Variants in HUWE1 observed in about 807,000 individuals in gnomAD.
HUWE1 encodes HECT, UBA and WWE domain containing E3 ubiquitin protein ligase 1, also known as E3 ubiquitin-protein ligase HUWE1.
In HUWE1, 18 loss-of-function variants were observed where a neutral mutation model predicts 299.4. That is an observed-to-expected ratio of 0.06 (90% CI 0.04 to 0.09). HUWE1 has a LOEUF of 0.09. Among genes scored for constraint, HUWE1 ranks in the 10% least tolerant of loss-of-function variants. HUWE1 has a pLI of 1.00. For synonymous variants in HUWE1, 1,317 were observed against 1,286.1 expected (o/e 1.02, Z -0.51); for missense variants, 1,832 against 3,462.3 (o/e 0.53, Z 11.82).
At chrX:53,559,627 A>T in intron 56 of HUWE1, 95 bp from the exon 57 acceptor site, 1 of 726,505 alleles carries the variant, frequency 1.4e-6, no homozygotes, top group South Asian at 2.3e-5. Context: ...CCTCTATTAA[A>T]TGCAGAACAT....
intron 2 of HUWE1, among the ~76,000 whole-genome samples, chrX:53,683,720 C>T (rs1182023265): frequency 8.9e-6 from 1 of 112,477 alleles, no homozygotes; most frequent in Non-Finnish European, 1.9e-5. Flanking sequence ...ATCGTCACCT[C>T]CTTAACGCTG....
chrX:53,668,926 T>C (rs1191409047), intron 3 of HUWE1, among the ~76,000 whole-genome samples: 4 of 111,987 alleles, frequency 3.6e-5, no homozygotes, highest in African/African-American at 6.5e-5. Flanking sequence ...GACAATGAGA[T>C]TGGGAGGCTC....
chrX:53,565,024 C>A (rs782593629), intron 50 of HUWE1, 43 bp downstream of exon 50: 15 of 1,165,764 alleles, frequency 1.3e-5, no homozygotes, highest in Non-Finnish European at 1.8e-5. Flanking sequence ...GCCCATAAAG[C>A]AACTACTCCC....
chrX:53,545,331 C>T (rs782108141), intron 70 of HUWE1, among the ~76,000 whole-genome samples, 170 bp from the exon 71 acceptor site: 1 of 111,643 alleles, frequency 9.0e-6, no homozygotes, highest in South Asian at 3.8e-4. Flanking sequence ...GTCCACGAAC[C>T]GTCACCTGGG....
rs1556972077 is a variant in HUWE1, at chrX:53,585,129, A to G, written c.4884T>C (p.Cys1628=). 1 of 1,211,799 alleles carries G rather than the reference A, an allele frequency of 8.3e-7. No individual in the cohort carries two copies. Among genetic ancestry groups the G allele is most frequent in the South Asian group, 1.8e-5 (1 of 56,985 alleles). The part of the protein sequence containing the change: ...RWFDDRSGRW[C]SYSASNNSTI... Reference sequence around the variant, plus strand: ...TGCTATTGTTGCTTGCACTGTAACTACACCAACGCCCAGAGCGATCATCAA... The same window carrying G: ...TGCTATTGTTGCTTGCACTGTAACTGCACCAACGCCCAGAGCGATCATCAA... The change falls in exon 40 of 84, where the codon TGT becomes TGC. Residue 1628 remains cysteine, a synonymous_variant. Transcript: ENST00000262854.
chrX:53,585,175 T>C lies in HUWE1; in HGVS notation c.4838A>G (p.Asn1613Ser), dbSNP rs782693637. ...ATCAAACCAGCGCCAGTTGTTGCTGTTGGATTGCAGGTACTAAACATAAAA... is the reference window on the plus strand; with the variant it reads ...ATCAAACCAGCGCCAGTTGTTGCTGCTGGATTGCAGGTACTAAACATAAAA... The part of the protein sequence containing the change: ...RAQMTKYLQS[N>S]SNNWRWFDDR... The change falls in exon 40 of 84, where the codon AAC becomes AGC. Residue 1613 changes from asparagine (N) to serine (S), a missense_variant. Around this residue, in one of 15 missense-constraint regions of HUWE1, gnomAD observed 658 missense variants for 1,282.6 expected, o/e 0.51. Coordinates refer to ENST00000262854, the MANE Select transcript of HUWE1 (RefSeq NM_031407.7). 3.3e-6 allele frequency: 4 copies of C among 1,211,979 alleles called. No individual in the cohort carries two copies. The South Asian group carries it at 7.0e-5, about 21-fold the overall frequency.
chrX:53,552,170 C>T (rs1465887920), intron 63 of HUWE1, 141 bp downstream of exon 63: 42 of 658,816 alleles, frequency 6.4e-5, no homozygotes, highest in Non-Finnish European at 9.1e-5. Flanking sequence ...TATGCCATAC[C>T]AGCACCCCCG....
intron 24 of HUWE1, among the ~76,000 whole-genome samples, chrX:53,608,380 A>G (rs1398783081): frequency 3.9e-5 from 2 of 50,757 alleles, no homozygotes; most frequent in African/African-American, 7.6e-5. Flanking sequence ...TTTGGAAAAC[A>G]TATTACAGGT....
intron 49 of HUWE1, among the ~76,000 whole-genome samples, chrX:53,566,791 C>T (rs1348357920): frequency 9.0e-6 from 1 of 111,372 alleles, no homozygotes; most frequent in Non-Finnish European, 1.9e-5. Flanking sequence ...CAAATATCAC[C>T]CATGTAGTAT....
intron 47 of HUWE1, among the ~76,000 whole-genome samples, chrX:53,570,551 G>A (rs2062778311): frequency 8.9e-6 from 1 of 112,340 alleles, no homozygotes; most frequent in Admixed American, 9.4e-5. Context: ...GGTAAGAGCT[G>A]AGCAAGAGAC....
At chrX:53,603,605 T>G in intron 26 of HUWE1, 104 bp from the exon 27 acceptor site, 3 of 726,883 alleles carry the variant, frequency 4.1e-6, no homozygotes, top group Non-Finnish European at 6.3e-6. Context: ...GGGATTTTTC[T>G]TCATTGCTAT....
rs2062355779 is a variant in HUWE1, at chrX:53,562,767, T to C, written c.7204+64A>G. 5 of 903,328 alleles carry C rather than the reference T, an allele frequency of 5.5e-6. No homozygotes were observed. In the South Asian group the frequency reaches 9.9e-5, roughly 18 times the overall value. 74.4% of individuals were successfully genotyped at this position (903,328 alleles called of 1,213,427 possible). On this transcript the variant is annotated intron_variant, in intron 53 of 83. Transcript: ENST00000262854. ...TGGGCAGCTGCCTCCAGGAAAACCCTAGTGTAGTGTCTGTCAGACGTGCAG... is the reference window on the plus strand; with the variant it reads ...TGGGCAGCTGCCTCCAGGAAAACCCCAGTGTAGTGTCTGTCAGACGTGCAG...
At chrX:53,535,158 C>G (rs1180544894) in intron 81 of HUWE1, among the ~76,000 whole-genome samples, 2 of 111,423 alleles carry the variant, frequency 1.8e-5, no homozygotes, top group Non-Finnish European at 3.8e-5. Flanking sequence ...TGGTCTCAAA[C>G]TCCTCACCTC....
intron 15 of HUWE1, 29 bp downstream of exon 15, chrX:53,628,464 T>TAAAA: frequency 7.6e-6 from 8 of 1,054,959 alleles, no homozygotes; most frequent in South Asian, 2.2e-5. Context: ...CCATGTAGTT[T>TAAAA]AAAAAAAAAA....
At chrX:53,661,036 T>C (rs1557045190) in intron 3 of HUWE1, among the ~76,000 whole-genome samples, 1 of 96,557 alleles carries the variant, frequency 1.0e-5, no homozygotes, top group Non-Finnish European at 2.0e-5. Context: ...GCGATTCACT[T>C]TTTTTTTTTT....
rs782395673 is a variant in HUWE1, at chrX:53,594,551, G to A, written c.3451C>T (p.His1151Tyr). Residue 1151 changes from histidine to tyrosine, a missense_variant, in exon 31 of 84, where the codon CAC (histidine) becomes TAC (tyrosine). This residue lies in a region of HUWE1 where 658 missense variants were observed against 1,282.6 expected (regional missense o/e 0.51). Transcript: ENST00000262854. ...CAGAGAAATTTTTGCAGCATGAGGT[G>A]GTAGGGATACTTCCTCTCATCAAAC... ...MLFDERKYPY[H>Y]LMLQKFLCSG... is the part of the protein sequence containing the mutation. 3 of 1,205,644 alleles carry A rather than the reference G, an allele frequency of 2.5e-6. No individual in the cohort carries two copies. Among genetic ancestry groups the A allele is most frequent in the Non-Finnish European group, 3.4e-6 (3 of 890,136 alleles).
At chrX:53,541,243 G>A (rs782230274) in intron 74 of HUWE1, among the ~76,000 whole-genome samples, 2 of 111,834 alleles carry the variant, frequency 1.8e-5, no homozygotes, top group African/African-American at 6.5e-5. Flanking sequence ...TAACAAAGAG[G>A]TTTGCCTCAG....
chrX:53,665,297 C>T (rs1202802797), intron 3 of HUWE1, among the ~76,000 whole-genome samples: 5 of 111,897 alleles, frequency 4.5e-5, no homozygotes, highest in African/African-American at 1.3e-4. Context: ...CTTTACTCAC[C>T]CAAGACAAAT....
Position 53,591,031 on chromosome X carries a change from T to C in HUWE1, c.4064A>G (p.His1355Arg). The C allele has an allele frequency of 8.3e-7, 1 of 1,209,773 alleles. No homozygotes were observed. Among genetic ancestry groups the C allele is most frequent in the East Asian group, 3.0e-5 (1 of 33,800 alleles). ...AACTCCTCCCATGATTGGAGGAGGG[T>C]GGGTTAAAAGGTACTCTGTGGCCTG... ...MEQATEYLLTHPPPIMGGVVR... is the reference protein window; with the variant it reads ...MEQATEYLLTRPPPIMGGVVR... The change falls in exon 34 of 84, where the codon CAC (histidine) becomes CGC (arginine). Residue 1355 changes from histidine (H) to arginine (R), a missense_variant. His to Arg is a conservative substitution (Grantham distance 29). Transcript: ENST00000262854.
Sources: gnomAD v4.1 joint callset for allele counts (sites outside exome capture counted in the v4.1 genomes callset) on GRCh38, gnomAD v4.1.1 for gene constraint, gnomAD v4.1.1 regional missense constraint, MANE v1.5 for transcripts, NCBI Gene and HGNC (gene_info 2026-07-23, HGNC 2026-07-21) for gene names.